Variants in DGLUCY observed in about 807,000 individuals in gnomAD.
DGLUCY encodes the protein D-glutamate cyclase, also known as D-glutamate cyclase, mitochondrial.
DGLUCY carries 58 observed loss-of-function variants against 58.5 expected under a neutral mutation model. The observed-to-expected ratio is 0.99, with a 90% CI of 0.80 to 1.23. DGLUCY has a LOEUF of 1.23. Among genes scored for constraint, DGLUCY ranks in the 50% most tolerant of loss-of-function variants. The pLI is 0.00. For missense variants in DGLUCY, 779 were observed against 784.7 expected, an observed-to-expected ratio of 0.99 and a Z score of 0.09; for synonymous variants, 325 against 314.1, an observed-to-expected ratio of 1.03 and a Z score of -0.37.
chr14:91,066,664 A>G (rs923781102), intron 1 of DGLUCY, among the ~76,000 whole-genome samples: 4 of 152,234 alleles, frequency 2.6e-5, no homozygotes, highest in Non-Finnish European at 5.9e-5. Flanking sequence ...ATCACTTGCC[A>G]TAAACAGGAA....
At chr14:91,222,109 G>C (rs147482292) in intron 13 of DGLUCY, among the ~76,000 whole-genome samples, 5 of 152,206 alleles carry the variant, frequency 3.3e-5, no homozygotes, top group African/African-American at 1.2e-4. Context: ...GACTGGTGCA[G>C]TGGCCTTCAG....
intron 1 of DGLUCY, among the ~76,000 whole-genome samples, chr14:91,087,272 G>T (rs896384299): frequency 6.6e-6 from 1 of 152,124 alleles, no homozygotes; most frequent in Non-Finnish European, 1.5e-5. Context: ...AATATTTATT[G>T]ATCACCTATT....
At chr14:91,121,800 G>GA (rs954854687) in intron 1 of DGLUCY, among the ~76,000 whole-genome samples, 3 of 151,900 alleles carry the variant, frequency 2.0e-5, no homozygotes, top group Non-Finnish European at 2.9e-5. Flanking sequence ...AGAGCAGGGG[G>GA]AAAAAAATGA....
intron 5 of DGLUCY, among the ~76,000 whole-genome samples, chr14:91,171,702 A>T (rs943373216): frequency 6.6e-6 from 1 of 152,248 alleles, no homozygotes; most frequent in African/African-American, 2.4e-5. Context: ...CATGTCCTAA[A>T]TCTTTCATAA....
chr14:91,104,361 C>T (rs181009037), upstream of DGLUCY, among the ~76,000 whole-genome samples: 175 of 152,206 alleles, frequency 1.1e-3, no homozygotes, highest in African/African-American at 3.7e-3. Context: ...CGCGCCCGGC[C>T]GAGAACATTC....
intron 1 of DGLUCY, among the ~76,000 whole-genome samples, chr14:91,143,240 C>T (rs1342858825): frequency 6.6e-6 from 1 of 151,750 alleles, no homozygotes; most frequent in Non-Finnish European, 1.5e-5. Flanking sequence ...GGACTACAGG[C>T]GCCCTCCACC....
chr14:91,093,147 T>A (rs1219974263), intron 1 of DGLUCY, among the ~76,000 whole-genome samples: 1 of 151,696 alleles, frequency 6.6e-6, no homozygotes, highest in East Asian at 1.9e-4. Flanking sequence ...AACAAGAGGT[T>A]GGAGGAATTT....
At chr14:91,103,366 T>C (rs2044526951), upstream of DGLUCY, among the ~76,000 whole-genome samples, 1 of 152,142 alleles carries the variant, frequency 6.6e-6, no homozygotes, top group African/African-American at 2.4e-5. Context: ...CCTGCTTTGC[T>C]GCACTCCAAG....
At chr14:91,175,205 A>G (rs182697896) in intron 6 of DGLUCY, among the ~76,000 whole-genome samples, 5 of 152,196 alleles carry the variant, frequency 3.3e-5, no homozygotes, top group Admixed American at 3.3e-4. Flanking sequence ...GCTGAAATCC[A>G]TTGATCCCCA....
At chr14:91,098,317 C>T (rs1366367191) in intron 1 of DGLUCY, among the ~76,000 whole-genome samples, 1 of 151,750 alleles carries the variant, frequency 6.6e-6, no homozygotes, top group Non-Finnish European at 1.5e-5. Flanking sequence ...ATCAGCCAAG[C>T]ATGATGGTGC....
At chr14:91,092,850 G>A (rs974691504) in intron 1 of DGLUCY, among the ~76,000 whole-genome samples, 6 of 152,158 alleles carry the variant, frequency 3.9e-5, no homozygotes, top group Admixed American at 2.6e-4. Flanking sequence ...TTGGGAGGCC[G>A]AGGCAGGTGG....
intron 1 of DGLUCY, among the ~76,000 whole-genome samples, chr14:91,091,555 T>C (rs2044310933): frequency 6.6e-6 from 1 of 152,084 alleles, no homozygotes; most frequent in African/African-American, 2.4e-5. Context: ...AAATAAAAAC[T>C]TCTGTCCATT....
At chr14:91,080,970 G>A (rs2044113499) in intron 1 of DGLUCY, among the ~76,000 whole-genome samples, 1 of 152,122 alleles carries the variant, frequency 6.6e-6, no homozygotes, top group African/African-American at 2.4e-5. Context: ...TTGGGAGGCC[G>A]AGGCCGGTGG....
At chr14:91,149,076 C>T (rs1042223225) in intron 1 of DGLUCY, among the ~76,000 whole-genome samples, 5 of 151,960 alleles carry the variant, frequency 3.3e-5, no homozygotes, top group South Asian at 2.1e-4. Context: ...GGAGAAACCC[C>T]GTCTCTACTA....
intron 12 of DGLUCY, among the ~76,000 whole-genome samples, chr14:91,211,992 G>A (rs1022184681): frequency 2.0e-5 from 3 of 152,080 alleles, no homozygotes; most frequent in Middle Eastern, 3.2e-3. Flanking sequence ...TAATAGAGAC[G>A]GGGTTTCACC....
intron 1 of DGLUCY, among the ~76,000 whole-genome samples, chr14:91,152,874 T>C (rs2047402237): frequency 6.6e-6 from 1 of 152,224 alleles, no homozygotes; most frequent in Non-Finnish European, 1.5e-5. Flanking sequence ...CTGTGTCTTC[T>C]GTTTTTCGTG....
At chr14:91,086,504 A>G (rs529809194) in intron 1 of DGLUCY, among the ~76,000 whole-genome samples, 22 of 152,224 alleles carry the variant, frequency 1.4e-4, no homozygotes, top group Non-Finnish European at 3.1e-4. Flanking sequence ...TAAATGCTAT[A>G]TAGACCATTG....
chr14:91,095,219 A>G (rs1023210620), intron 1 of DGLUCY, among the ~76,000 whole-genome samples: 26 of 152,080 alleles, frequency 1.7e-4, no homozygotes, highest in Admixed American at 4.6e-4. Context: ...GCTTTCCTTC[A>G]TATCACAAAA....
chr14:91,136,661 T>TA (rs1338561617), intron 1 of DGLUCY, among the ~76,000 whole-genome samples: 1 of 146,824 alleles, frequency 6.8e-6, no homozygotes, highest in African/African-American at 2.6e-5. Flanking sequence ...ATAGCCTGGG[T>TA]GACAGAGCAA....
Sources: gnomAD v4.1 joint callset for allele counts (sites outside exome capture counted in the v4.1 genomes callset) on GRCh38, gnomAD v4.1.1 for gene constraint, MANE v1.5 for transcripts, NCBI Gene and HGNC (gene_info 2026-07-23, HGNC 2026-07-21) for gene names.